ODAD2: variants seen among roughly 807,000 people sequenced by gnomAD.
ODAD2 encodes outer dynein arm docking complex subunit 2, also known as outer dynein arm-docking complex subunit 2.
In ODAD2, 89 loss-of-function variants were observed where a neutral mutation model predicts 106.8. The ratio of observed to expected loss-of-function variants is 0.83; its 90% CI spans 0.70 to 0.99. The LOEUF (loss-of-function observed/expected upper bound fraction) is 0.99, where lower values mean the gene tolerates loss of function less well. ODAD2 is among the 50% of genes least tolerant of loss of function. ODAD2 has a pLI of 0.00. For missense variants in ODAD2, 1,168 were observed against 1,238.5 expected, an observed-to-expected ratio of 0.94 and a Z score of 0.85; for synonymous variants, 404 against 436.2, an observed-to-expected ratio of 0.93 and a Z score of 0.92.
chr10:27,911,353 C>T (rs929766114), intron 16 of ODAD2, among the ~76,000 whole-genome samples: 1 of 152,052 alleles, frequency 6.6e-6, no homozygotes, highest in African/African-American at 2.4e-5. Flanking sequence ...GGAATGACAG[C>T]GCAAGTGATG....
intron 17 of ODAD2, among the ~76,000 whole-genome samples, chr10:27,901,001 A>G (rs1450609711): frequency 1.3e-5 from 2 of 152,170 alleles, no homozygotes; most frequent in Non-Finnish European, 2.9e-5. Flanking sequence ...CAACCCCAAG[A>G]CACATAATCA....
intron 1 of ODAD2, chr10:27,997,555 C>T (rs1319984525): frequency 6.6e-6 from 1 of 152,048 alleles, no homozygotes; most frequent in Non-Finnish European, 1.5e-5. Context: ...TTATTTTCGT[C>T]AAGATAAATT....
At chr10:27,881,148 G>A (rs1485659191) in intron 17 of ODAD2, among the ~76,000 whole-genome samples, 1 of 152,192 alleles carries the variant, frequency 6.6e-6, no homozygotes, top group African/African-American at 2.4e-5. Context: ...CATACAGCAA[G>A]ATGTCTGGTA....
chr10:27,965,907 C>A (rs1199623131), intron 9 of ODAD2, among the ~76,000 whole-genome samples: 1 of 152,210 alleles, frequency 6.6e-6, no homozygotes, highest in Non-Finnish European at 1.5e-5. Flanking sequence ...CGGGCAAGGA[C>A]TAGTCCATTT....
intron 19 of ODAD2, among the ~76,000 whole-genome samples, chr10:27,822,675 G>A (rs931413184): frequency 3.3e-5 from 5 of 152,134 alleles, no homozygotes; most frequent in Non-Finnish European, 7.4e-5. Flanking sequence ...CACCAAAGCC[G>A]GGGGCCTCAA....
chr10:27,960,644 C>T (rs1848072424), intron 10 of ODAD2, among the ~76,000 whole-genome samples: 1 of 152,014 alleles, frequency 6.6e-6, no homozygotes, highest in South Asian at 2.1e-4. Flanking sequence ...GCCACTGCAC[C>T]CTGCCAAAAT....
At chr10:27,911,575 G>A (rs567587344) in intron 16 of ODAD2, among the ~76,000 whole-genome samples, 1 of 152,266 alleles carries the variant, frequency 6.6e-6, no homozygotes, top group East Asian at 1.9e-4. Flanking sequence ...GAAGACACCA[G>A]TTTACTCACA....
At chr10:27,993,012 T>C (rs1850323129) in intron 2 of ODAD2, among the ~76,000 whole-genome samples, 1 of 152,126 alleles carries the variant, frequency 6.6e-6, no homozygotes. Context: ...ACCTCCCAGA[T>C]TCAAGCAATT....
At chr10:27,883,645 T>A (rs1297986129) in intron 17 of ODAD2, among the ~76,000 whole-genome samples, 1 of 152,084 alleles carries the variant, frequency 6.6e-6, no homozygotes, top group African/African-American at 2.4e-5. Flanking sequence ...TAAAGGAAAC[T>A]ATGCCCCAAA....
chr10:27,872,610 T>A (rs1840986332), intron 17 of ODAD2, among the ~76,000 whole-genome samples: 1 of 152,246 alleles, frequency 6.6e-6, no homozygotes, highest in African/African-American at 2.4e-5. Flanking sequence ...TCCATTGAGA[T>A]AATCATGTGG....
intron 19 of ODAD2, among the ~76,000 whole-genome samples, chr10:27,827,501 TCTCCTC>T (rs900826235): frequency 2.0e-5 from 3 of 151,824 alleles, no homozygotes; most frequent in African/African-American, 7.3e-5. Flanking sequence ...AGATTTCTTC[TCTCCTC>T]CTTAAATCCT....
chr10:27,960,601 C>A (rs529609727), intron 10 of ODAD2, among the ~76,000 whole-genome samples: 2 of 152,036 alleles, frequency 1.3e-5, no homozygotes, highest in East Asian at 3.9e-4. Flanking sequence ...CCACCCTCCT[C>A]GGCCTCCCAA....
At chr10:27,909,107 A>G (rs1456797854) in intron 16 of ODAD2, among the ~76,000 whole-genome samples, 1 of 152,218 alleles carries the variant, frequency 6.6e-6, no homozygotes, top group Non-Finnish European at 1.5e-5. Flanking sequence ...TGCCTTCCAT[A>G]TGCTACTTAA....
At chr10:27,953,550 A>T (rs1025621177) in intron 10 of ODAD2, among the ~76,000 whole-genome samples, 5 of 152,226 alleles carry the variant, frequency 3.3e-5, no homozygotes, top group Non-Finnish European at 1.5e-5. Flanking sequence ...CTTAAATGTT[A>T]TCAATAAGGC....
At chr10:27,990,798 A>G (rs1468181604) in intron 2 of ODAD2, among the ~76,000 whole-genome samples, 6 of 152,330 alleles carry the variant, frequency 3.9e-5, no homozygotes, top group African/African-American at 1.4e-4. Flanking sequence ...GAAGACAGCC[A>G]TTGCTCTGGT....
intron 16 of ODAD2, among the ~76,000 whole-genome samples, chr10:27,924,865 G>T (rs1287718036): frequency 6.6e-6 from 1 of 150,624 alleles, no homozygotes; most frequent in African/African-American, 2.4e-5. Flanking sequence ...AAGAACTAGA[G>T]AAAGCTATTA....
chr10:27,943,727 G>A (rs1271841191), intron 12 of ODAD2, among the ~76,000 whole-genome samples: 2 of 141,606 alleles, frequency 1.4e-5, no homozygotes, highest in Non-Finnish European at 3.0e-5. Flanking sequence ...CCCCGTAGGC[G>A]GAGGTTGCAG....
chr10:27,834,337 T>C (rs1837701734), intron 19 of ODAD2, among the ~76,000 whole-genome samples: 1 of 152,186 alleles, frequency 6.6e-6, no homozygotes, highest in Non-Finnish European at 1.5e-5. Context: ...CCAAAGGCGC[T>C]ATCCCTTGGC....
intron 17 of ODAD2, among the ~76,000 whole-genome samples, chr10:27,883,071 A>G (rs748615388): frequency 9.9e-5 from 15 of 152,028 alleles, no homozygotes; most frequent in African/African-American, 1.4e-4. Context: ...AAAAGGCTAC[A>G]TACATGTGTC....
Sources: allele counts gnomAD v4.1 joint callset (sites outside exome capture counted in the v4.1 genomes callset), GRCh38; gene constraint gnomAD v4.1.1; transcripts MANE v1.5; gene names NCBI Gene and HGNC (gene_info 2026-07-23, HGNC 2026-07-21).